Variants in GJC1 observed in about 807,000 individuals in gnomAD.
The protein encoded by GJC1 is gap junction protein gamma 1.
GJC1 carries 5 observed loss-of-function variants against 29.3 expected under a neutral mutation model. The ratio of observed to expected loss-of-function variants is 0.17; its 90% CI spans 0.09 to 0.36. GJC1 has a LOEUF of 0.36. Ranked by LOEUF, GJC1 falls within the 10% of genes least tolerant of loss-of-function variation. The pLI is 1.00. For missense variants in GJC1, 310 were observed against 496.2 expected (o/e 0.62, Z 3.56); for synonymous variants, 177 against 183.3 (o/e 0.97, Z 0.28).
chr17:44,817,486 G>A (rs1005350639), intron 1 of GJC1, among the ~76,000 whole-genome samples: 4 of 151,770 alleles, frequency 2.6e-5, no homozygotes, highest in East Asian at 2.0e-4. Context: ...TGAGGCGGGC[G>A]GATCACCTGA....
rs2049838536 is a variant in GJC1, at chr17:44,801,040, CTG to C, written c.*3585_*3586del. 6.6e-6 allele frequency: 1 copy of C among 151,862 alleles called. No individual in the cohort carries two copies. 9.4% of individuals were successfully genotyped at this position (151,862 alleles called of 1,614,324 possible). A position where few individuals can be genotyped will look rare whatever the true frequency, so the allele number is the denominator to read the frequency against. ...CCTGTAATCACAGCACTTTGGGAAGCTGAGGTGGGCGGATCACGAGGTGAGGA... is the reference window on the plus strand; with the variant it reads ...CCTGTAATCACAGCACTTTGGGAAGCAGGTGGGCGGATCACGAGGTGAGGA... On this transcript the variant is annotated 3_prime_UTR_variant, in exon 3 of 3. Transcript: ENST00000592524.
Position 44,821,959 on chromosome 17 carries a change from A to T in GJC1, c.-97+8103T>A, listed in dbSNP as rs190627553. ...ACACCTGTAATCCTAGCACTTTGGG[A>T]GGCCGAGGCAGGTGGATCACAAGGT... On this transcript the variant is annotated intron_variant, in intron 1 of 2. Coordinates refer to ENST00000592524, the MANE Select transcript of GJC1 (RefSeq NM_005497.4). 7.0e-4 allele frequency among the ~76,000 whole-genome samples: 106 copies of T among 152,030 alleles called. 1 individual carries two copies. The highest frequency in any genetic ancestry group is 2.5e-3 in the African/African-American group (104 of 41,522).
chr17:44,825,895 A>G (rs974755982), intron 1 of GJC1, among the ~76,000 whole-genome samples: 1 of 152,106 alleles, frequency 6.6e-6, no homozygotes, highest in African/African-American at 2.4e-5. Flanking sequence ...AGAGCTGGAG[A>G]AGAATTCATT....
chr17:44,821,722 A>C lies in GJC1; in HGVS notation c.-97+8340T>G, dbSNP rs541885620. Among the ~76,000 whole-genome samples, 10 of 131,854 alleles carry C rather than the reference A, an allele frequency of 7.6e-5. 1 individual carries two copies. The highest frequency in any genetic ancestry group is 1.5e-4 in the Admixed American group (2 of 13,520). 86.5% of individuals were successfully genotyped at this position (131,854 alleles called of 152,430 possible). A position where few individuals can be genotyped will look rare whatever the true frequency, so the allele number is the denominator to read the frequency against. On this transcript the variant is annotated intron_variant, in intron 1 of 2. Transcript: ENST00000592524. ...CAAAAAAAAAAAAAAAAAAAAAAAA[A>C]AAACAACAAAAAAACACCAACACCC...
chr17:44,820,198 G>A (rs1224574823), intron 1 of GJC1, among the ~76,000 whole-genome samples: 1 of 152,094 alleles, frequency 6.6e-6, no homozygotes, highest in East Asian at 1.9e-4. Flanking sequence ...CTGACCTCAG[G>A]TTATCCGTCT....
rs1180494801 is a variant in GJC1, at chr17:44,801,651, T to C, written c.*2976A>G. ...AAGAGTTTCACTCTGTCTTGCAGGC[T>C]GGAGTGCAATGGTATGATCTCAGCT... On this transcript the variant is annotated 3_prime_UTR_variant, in exon 3 of 3. Transcript: ENST00000592524. The C allele has an allele frequency of 1.3e-5, 2 of 151,980 alleles. No individual in the cohort carries two copies. The highest frequency in any genetic ancestry group is 4.8e-5 in the African/African-American group (2 of 41,374). 9.4% of individuals were successfully genotyped at this position (151,980 alleles called of 1,614,324 possible). A position where few individuals can be genotyped will look rare whatever the true frequency, so the allele number is the denominator to read the frequency against.
chr17:44,826,694 CTGTA>C (rs1459856637), intron 1 of GJC1, among the ~76,000 whole-genome samples: 1 of 152,160 alleles, frequency 6.6e-6, no homozygotes, highest in East Asian at 1.9e-4. Context: ...GAATGTATAA[CTGTA>C]TGCCAGCCAG....
At chr17:44,795,454 G>C (rs1230672913), downstream of GJC1, among the ~76,000 whole-genome samples, 1 of 152,144 alleles carries the variant, frequency 6.6e-6, no homozygotes, top group South Asian at 2.1e-4. Flanking sequence ...GGCTGGTCTT[G>C]GAACTCCTGA....
chr17:44,805,707 A>G lies in GJC1; in HGVS notation c.111T>C (p.Ala37=), dbSNP rs34146049. 8.1e-5 allele frequency: 131 copies of G among 1,614,054 alleles called. No homozygotes were observed. The African/African-American group carries it at 1.7e-3, about 21-fold the overall frequency. ...CGTAATAGATGGATTCTCCTCCTAC[A>G]GCTGTAAGGACGATCCGGAAGACAA... is the stretch of plus-strand genomic sequence containing the variant. ...VLIVFRIVLT[A]VGGESIYYDE... is the part of the protein sequence containing the mutation. The change falls in exon 3 of 3, where the codon GCT becomes GCC. Residue 37 remains alanine, a synonymous_variant. Coordinates refer to ENST00000592524, the MANE Select transcript of GJC1 (RefSeq NM_005497.4). The surrounding 1 kb of genome is among the most constrained non-coding windows in gnomAD (Gnocchi z 5.1).
At chr17:44,818,799 T>C (rs1647265659) in intron 1 of GJC1, among the ~76,000 whole-genome samples, 1 of 151,494 alleles carries the variant, frequency 6.6e-6, no homozygotes, top group African/African-American at 2.4e-5. Context: ...CAAAACTCCA[T>C]CTGGGGGTGT....
chr17:44,814,246 T>C (rs2050016387), intron 1 of GJC1, among the ~76,000 whole-genome samples: 1 of 151,912 alleles, frequency 6.6e-6, no homozygotes, highest in Non-Finnish European at 1.5e-5. Context: ...GTTCATGCCA[T>C]TCTCCCGCCT....
chr17:44,813,752 C>T (rs2050011058), intron 1 of GJC1, among the ~76,000 whole-genome samples: 1 of 152,086 alleles, frequency 6.6e-6, no homozygotes, highest in Admixed American at 6.6e-5. Context: ...CTCGGCCTCC[C>T]AAAGTGCTAA....
chr17:44,811,801 C>T (rs113219620), intron 1 of GJC1, among the ~76,000 whole-genome samples: 265 of 151,640 alleles, frequency 1.7e-3, no homozygotes, highest in African/African-American at 6.1e-3. Flanking sequence ...GTCGGGAGTT[C>T]GAGACTGGCC....
intron 1 of GJC1, among the ~76,000 whole-genome samples, chr17:44,808,404 T>C (rs1300165118): frequency 6.7e-6 from 1 of 148,220 alleles, no homozygotes; most frequent in Admixed American, 6.9e-5. Flanking sequence ...TCCAACCTGG[T>C]AGATAGAACA....
intron 1 of GJC1, among the ~76,000 whole-genome samples, chr17:44,819,258 C>T (rs1021151021): frequency 3.9e-5 from 6 of 152,266 alleles, no homozygotes; most frequent in African/African-American, 1.4e-4. Flanking sequence ...TTGTGACTAC[C>T]TAATTATCTC....
At chr17:44,818,708 T>C (rs1367132480) in intron 1 of GJC1, among the ~76,000 whole-genome samples, 2 of 151,978 alleles carry the variant, frequency 1.3e-5, no homozygotes, top group African/African-American at 2.4e-5. Context: ...GGCAGGAGAA[T>C]TGCTTCAACC....
At position 44,830,221 on chromosome 17, in the gene GJC1, AGCCGCTCCCGCCGCTGCC is replaced by A. The variant is rs1173167371; in HGVS notation, c.-274_-257del. The A allele has an allele frequency of 1.2e-5, 2 of 160,164 alleles. No individual in the cohort carries two copies. The highest frequency in any genetic ancestry group is 2.7e-5 in the Non-Finnish European group (2 of 75,336). 9.9% of individuals were successfully genotyped at this position (160,164 alleles called of 1,614,324 possible). On this transcript the variant is annotated 5_prime_UTR_variant, in exon 1 of 3. Coordinates refer to ENST00000592524, the MANE Select transcript of GJC1 (RefSeq NM_005497.4). The surrounding 1 kb of genome is among the most constrained non-coding windows in gnomAD (Gnocchi z 4.3). ...CGCCTCAGTCTCCAGCCGAGGCAGAAGCCGCTCCCGCCGCTGCCGCCGCCGCCGCCGCCTCCCGCTCCC... is the reference window on the plus strand; with the variant it reads ...CGCCTCAGTCTCCAGCCGAGGCAGAAGCCGCCGCCGCCGCCTCCCGCTCCC...
intron 1 of GJC1, among the ~76,000 whole-genome samples, chr17:44,808,428 T>TACAC (rs56999580): frequency 0.015 from 2,267 of 147,524 alleles, 34 homozygotes; most frequent in African/African-American, 0.028. Flanking sequence ...CCCTGTCTCT[T>TACAC]ACACACACAC....
At chr17:44,830,666 C>T, upstream of GJC1, 2 of 398,654 alleles carry the variant, frequency 5.0e-6, no homozygotes. The surrounding 1 kb of genome is among the most constrained non-coding windows in gnomAD (Gnocchi z 4.3). Flanking sequence ...TTTAGCGGGC[C>T]CAGAGTTGTC....
Sources: gnomAD v4.1 joint callset for allele counts (sites outside exome capture counted in the v4.1 genomes callset) on GRCh38, gnomAD v4.1.1 for gene constraint, Gnocchi (gnomAD v3.1) non-coding constraint, MANE v1.5 for transcripts, NCBI Gene and HGNC (gene_info 2026-07-23, HGNC 2026-07-21) for gene names.